The following SLC4A4 variants were observed in gnomAD, a reference collection of about 807,000 sequenced individuals.
SLC4A4 encodes solute carrier family 4 member 4.
SLC4A4 carries 27 observed loss-of-function variants against 111.5 expected under a neutral mutation model. The ratio of observed to expected loss-of-function variants is 0.24; its 90% CI spans 0.18 to 0.33. The LOEUF (loss-of-function observed/expected upper bound fraction) is 0.33. SLC4A4 is among the 10% of genes least tolerant of loss of function. The pLI is 1.00. For synonymous variants in SLC4A4, 443 were observed against 463.4 expected (o/e 0.96, Z 0.57); for missense variants, 909 against 1,315.5 (o/e 0.69, Z 4.78).
intron 6 of SLC4A4, among the ~76,000 whole-genome samples, chr4:71,386,498 T>C (rs912251082): frequency 6.6e-6 from 1 of 152,106 alleles, no homozygotes; most frequent in Non-Finnish European, 1.5e-5. Context: ...TATTCTCTTA[T>C]GTTTTCTGGC....
chr4:71,531,972 G>A, intron 16 of SLC4A4, 90 bp from the exon 17 acceptor site: 1 of 768,924 alleles, frequency 1.3e-6, no homozygotes, highest in Non-Finnish European at 2.3e-6. Context: ...TAAACTATTA[G>A]CAAATACAAA....
chr4:71,230,623 T>G (rs1013534673), intron 1 of SLC4A4, among the ~76,000 whole-genome samples: 3 of 152,198 alleles, frequency 2.0e-5, no homozygotes, highest in African/African-American at 7.2e-5. Flanking sequence ...GATATTAAAC[T>G]CTGGTATGGG....
intron 2 of SLC4A4, among the ~76,000 whole-genome samples, chr4:71,129,678 G>T (rs1001583768): frequency 2.7e-5 from 4 of 149,602 alleles, no homozygotes; most frequent in Non-Finnish European, 5.9e-5. Context: ...TATGTTCATT[G>T]CAGCACTACT....
At chr4:71,482,236 G>C (rs1728949118) in intron 14 of SLC4A4, among the ~76,000 whole-genome samples, 1 of 151,516 alleles carries the variant, frequency 6.6e-6, no homozygotes. Flanking sequence ...TTATGAAACT[G>C]CTTTTTAAAT....
At chr4:71,221,552 TA>T (rs933167301) in intron 1 of SLC4A4, among the ~76,000 whole-genome samples, 2 of 151,246 alleles carry the variant, frequency 1.3e-5, no homozygotes, top group African/African-American at 4.8e-5. Flanking sequence ...TCGTGGGTGT[TA>T]AAAAAAAACA....
intron 16 of SLC4A4, among the ~76,000 whole-genome samples, chr4:71,520,656 A>C (rs1488911681): frequency 1.3e-5 from 2 of 152,148 alleles, no homozygotes; most frequent in Non-Finnish European, 2.9e-5. Flanking sequence ...TCCATTTCCT[A>C]TACTCTTCTA....
intron 16 of SLC4A4, 96 bp downstream of exon 16, chr4:71,497,788 T>C (rs1006675971): frequency 3.4e-5 from 34 of 989,594 alleles, no homozygotes; most frequent in Non-Finnish European, 5.3e-5. Flanking sequence ...TAATTCAATG[T>C]GTCCAATATA....
chr4:71,558,748 T>C (rs1283264444), intron 22 of SLC4A4, among the ~76,000 whole-genome samples: 1 of 151,926 alleles, frequency 6.6e-6, no homozygotes, highest in East Asian at 1.9e-4. Flanking sequence ...TCATATTTGT[T>C]GTTTGAAATT....
intron 2 of SLC4A4, among the ~76,000 whole-genome samples, chr4:71,247,605 T>G (rs1056755304): frequency 6.6e-6 from 1 of 152,188 alleles, no homozygotes; most frequent in African/African-American, 2.4e-5. Flanking sequence ...AATCCAGTTA[T>G]CAATGACCAC....
intron 7 of SLC4A4, among the ~76,000 whole-genome samples, chr4:71,411,149 C>G (rs1376709656): frequency 1.3e-5 from 2 of 152,146 alleles, no homozygotes; most frequent in African/African-American, 4.8e-5. Flanking sequence ...TGTCTCTCTC[C>G]AAAGCAGATG....
At chr4:71,491,121 C>A (rs1005148842) in intron 15 of SLC4A4, among the ~76,000 whole-genome samples, 2 of 151,728 alleles carry the variant, frequency 1.3e-5, no homozygotes, top group Non-Finnish European at 2.9e-5. Context: ...ACAAGCAGAA[C>A]AACCAGTTTA....
At chr4:71,162,420 C>T (rs1211016973) in intron 2 of SLC4A4, among the ~76,000 whole-genome samples, 4 of 152,154 alleles carry the variant, frequency 2.6e-5, no homozygotes, top group African/African-American at 9.7e-5. Context: ...CAGTTACATC[C>T]TGTTTGATGG....
At chr4:71,198,168 A>G (rs1260863847) in intron 1 of SLC4A4, among the ~76,000 whole-genome samples, 3 of 152,186 alleles carry the variant, frequency 2.0e-5, no homozygotes, top group Non-Finnish European at 2.9e-5. Flanking sequence ...TCATTGTTCT[A>G]TACATCTCTG....
chr4:71,066,003 T>C (rs757732356), intron 1 of SLC4A4, among the ~76,000 whole-genome samples: 3 of 152,024 alleles, frequency 2.0e-5, no homozygotes, highest in Non-Finnish European at 2.9e-5. Flanking sequence ...ACAATAAATA[T>C]CTAACACAGC....
intron 1 of SLC4A4, among the ~76,000 whole-genome samples, chr4:71,068,104 G>A (rs1456534153): frequency 1.6e-5 from 2 of 124,366 alleles, no homozygotes; most frequent in Non-Finnish European, 3.2e-5. Context: ...TGCTCTTGTC[G>A]CCCAGGCTGG....
At chr4:71,467,213 A>G (rs1395845156) in intron 13 of SLC4A4, among the ~76,000 whole-genome samples, 2 of 151,958 alleles carry the variant, frequency 1.3e-5, no homozygotes, top group Non-Finnish European at 1.5e-5. Flanking sequence ...TTACTTCAGA[A>G]TGCCTTCTAT....
At chr4:71,452,027 A>T (rs1346002024) in intron 11 of SLC4A4, among the ~76,000 whole-genome samples, 2 of 151,958 alleles carry the variant, frequency 1.3e-5, no homozygotes, top group African/African-American at 2.4e-5. Flanking sequence ...TGTTCCTTTT[A>T]TTGGGTGTTA....
intron 2 of SLC4A4, among the ~76,000 whole-genome samples, chr4:71,164,431 C>T (rs1291678840): frequency 6.7e-6 from 1 of 150,280 alleles, no homozygotes; most frequent in Non-Finnish European, 1.5e-5. Context: ...TTATAGTACA[C>T]CATTAAAACA....
chr4:71,130,281 G>T (rs528532898), intron 2 of SLC4A4, among the ~76,000 whole-genome samples: 2 of 151,970 alleles, frequency 1.3e-5, no homozygotes, highest in East Asian at 3.9e-4. Context: ...TTGGGTGGGG[G>T]TGCAGTAGCA....
Sources: gnomAD v4.1 joint callset for allele counts (sites outside exome capture counted in the v4.1 genomes callset) on GRCh38, gnomAD v4.1.1 for gene constraint, MANE v1.5 for transcripts, NCBI Gene and HGNC (gene_info 2026-07-23, HGNC 2026-07-21) for gene names.